GLIS3: variants seen among roughly 807,000 people sequenced by gnomAD.
The protein encoded by GLIS3 is zinc finger protein GLIS3.
GLIS3 carries 53 observed loss-of-function variants against 78.6 expected under a neutral mutation model. That is an observed-to-expected ratio of 0.67 (90% CI 0.54 to 0.85). GLIS3 has a LOEUF of 0.85. Ranked by LOEUF, GLIS3 falls within the 40% of genes least tolerant of loss-of-function variation. The probability of loss-of-function intolerance (pLI) is 0.00; values close to 1 mark genes in which losing one functional copy is unlikely to be tolerated. For missense variants in GLIS3, 1,703 were observed against 1,231.1 expected (o/e 1.38, Z -5.74); for synonymous variants, 684 against 509.9 (o/e 1.34, Z -4.60).
chr9:4,012,778 T>C (rs1325623135), intron 4 of GLIS3, among the ~76,000 whole-genome samples: 1 of 144,242 alleles, frequency 6.9e-6, no homozygotes, highest in Admixed American at 6.9e-5. Context: ...TTTTTTTTTT[T>C]TTTTTTTTTT....
chr9:3,862,129 G>A (rs1820253196), intron 8 of GLIS3, among the ~76,000 whole-genome samples: 3 of 152,124 alleles, frequency 2.0e-5, no homozygotes, highest in South Asian at 2.1e-4. Flanking sequence ...GGGCACTGGA[G>A]CACCATCTTA....
chr9:4,156,110 C>T (rs1835024220), intron 2 of GLIS3, among the ~76,000 whole-genome samples: 1 of 152,096 alleles, frequency 6.6e-6, no homozygotes. Flanking sequence ...AAAAAAATCA[C>T]CTCTTGTGTG....
chr9:4,068,478 A>G (rs975169666), intron 4 of GLIS3, among the ~76,000 whole-genome samples: 1 of 152,228 alleles, frequency 6.6e-6, no homozygotes, highest in South Asian at 2.1e-4. Flanking sequence ...CAAAGAAAAA[A>G]GGCTAATGAT....
At chr9:4,203,708 T>G (rs1014872866) in intron 2 of GLIS3, among the ~76,000 whole-genome samples, 5 of 152,160 alleles carry the variant, frequency 3.3e-5, no homozygotes, top group African/African-American at 1.2e-4. Flanking sequence ...TGAACCTAGG[T>G]GCCCCCGTCA....
intron 4 of GLIS3, among the ~76,000 whole-genome samples, chr9:4,092,042 C>G (rs1435102888): frequency 1.3e-5 from 2 of 152,122 alleles, no homozygotes. Context: ...CTAGGACATT[C>G]CTGTACACAA....
At chr9:3,993,613 T>G (rs908158574) in intron 4 of GLIS3, among the ~76,000 whole-genome samples, 8 of 152,328 alleles carry the variant, frequency 5.3e-5, no homozygotes, top group African/African-American at 1.9e-4. Context: ...CTAATGAATG[T>G]CCACATATGC....
chr9:4,419,047 T>C, the GLIS3 span, among the ~76,000 whole-genome samples: 1 of 152,202 alleles, frequency 6.6e-6, no homozygotes, highest in Non-Finnish European at 1.5e-5. Flanking sequence ...AGCAATTAGA[T>C]TAAAATCCAA....
chr9:4,111,573 G>T (rs1831210613), intron 4 of GLIS3, among the ~76,000 whole-genome samples: 1 of 152,212 alleles, frequency 6.6e-6, no homozygotes, highest in African/African-American at 2.4e-5. Flanking sequence ...ATAGACTGTG[G>T]TCAATGCCCC....
intron 2 of GLIS3, among the ~76,000 whole-genome samples, chr9:4,155,442 G>A (rs941787049): frequency 1.3e-5 from 2 of 152,202 alleles, no homozygotes; most frequent in Non-Finnish European, 2.9e-5. Flanking sequence ...CAGTTGTGCG[G>A]TGTGACTGCT....
intron 4 of GLIS3, among the ~76,000 whole-genome samples, chr9:3,985,413 G>A (rs753848065): frequency 1.3e-5 from 2 of 152,214 alleles, no homozygotes; most frequent in African/African-American, 2.4e-5. Flanking sequence ...CTCCCAAGGT[G>A]CTGGGATTAC....
chr9:4,150,346 C>T (rs911330996), intron 2 of GLIS3, among the ~76,000 whole-genome samples: 1 of 152,152 alleles, frequency 6.6e-6, no homozygotes, highest in African/African-American at 2.4e-5. Context: ...AAAATATTCA[C>T]ATAAGGAGGA....
intron 4 of GLIS3, among the ~76,000 whole-genome samples, chr9:3,964,381 C>T (rs1203731141): frequency 1.3e-5 from 2 of 152,302 alleles, no homozygotes; most frequent in East Asian, 3.9e-4. Flanking sequence ...TAATTACATT[C>T]TCTTTGCACT....
chr9:4,203,052 T>C (rs898761496), intron 2 of GLIS3, among the ~76,000 whole-genome samples: 5 of 152,098 alleles, frequency 3.3e-5, no homozygotes, highest in African/African-American at 1.2e-4. Context: ...TAGGGGAAAA[T>C]ATTAGCAAAC....
chr9:4,262,192 A>T (rs760083587), intron 2 of GLIS3, among the ~76,000 whole-genome samples: 6 of 152,162 alleles, frequency 3.9e-5, no homozygotes, highest in Non-Finnish European at 5.9e-5. Context: ...AGGAGACGGA[A>T]AACTCTCCGG....
chr9:4,154,772 G>A (rs999270846), intron 2 of GLIS3, among the ~76,000 whole-genome samples: 1 of 151,958 alleles, frequency 6.6e-6, no homozygotes, highest in African/African-American at 2.4e-5. Flanking sequence ...CACAGTCAGA[G>A]GTATTTAAAA....
chr9:3,915,462 G>C (rs367558280), intron 6 of GLIS3, among the ~76,000 whole-genome samples: 1 of 152,074 alleles, frequency 6.6e-6, no homozygotes, highest in African/African-American at 2.4e-5. Context: ...AAACAAGACC[G>C]GGTCAAGAGG....
chr9:4,306,923 A>G (rs908006830), intron 4 of GLIS3, among the ~76,000 whole-genome samples: 5 of 152,262 alleles, frequency 3.3e-5, no homozygotes, highest in Admixed American at 1.3e-4. Context: ...GGAACTTGAT[A>G]ATAACGTTAT....
chr9:4,479,067 A>G, the GLIS3 span, among the ~76,000 whole-genome samples: 6 of 152,176 alleles, frequency 3.9e-5, no homozygotes, highest in Non-Finnish European at 7.3e-5. Context: ...TTAAATATAT[A>G]TATTTTTCAA....
At chr9:4,044,055 A>G (rs1306930062) in intron 4 of GLIS3, among the ~76,000 whole-genome samples, 2 of 152,180 alleles carry the variant, frequency 1.3e-5, no homozygotes, top group African/African-American at 4.8e-5. Flanking sequence ...CATCACCAAT[A>G]GGGTCCGGCA....
Sources: allele counts gnomAD v4.1 joint callset (sites outside exome capture counted in the v4.1 genomes callset), GRCh38; gene constraint gnomAD v4.1.1; transcripts MANE v1.5; gene names NCBI Gene and HGNC (gene_info 2026-07-23, HGNC 2026-07-21).